Variants in PRKCB observed in about 807,000 individuals in gnomAD.
PRKCB encodes the protein protein kinase C beta type.
A neutral mutation model predicts 81.5 loss-of-function variants in PRKCB; 13 were observed. The observed-to-expected ratio is 0.16, with a 90% CI of 0.10 to 0.25. The LOEUF is 0.25. Ranked by LOEUF, PRKCB falls within the 10% of genes least tolerant of loss-of-function variation. The pLI, the probability that PRKCB is intolerant of heterozygous loss-of-function variation, is 1.00. For synonymous variants in PRKCB, 335 were observed against 321.4 expected, an observed-to-expected ratio of 1.04 and a Z score of -0.45; for missense variants, 509 against 875.7, an observed-to-expected ratio of 0.58 and a Z score of 5.29.
intron 5 of PRKCB, among the ~76,000 whole-genome samples, chr16:24,039,817 G>C (rs909427529): frequency 6.6e-6 from 1 of 152,144 alleles, no homozygotes; most frequent in Non-Finnish European, 1.5e-5. Context: ...AGTTTCCCTT[G>C]GTCTCCTGAC....
chr16:23,922,385 C>G (rs1963837949), intron 2 of PRKCB, among the ~76,000 whole-genome samples: 1 of 152,182 alleles, frequency 6.6e-6, no homozygotes, highest in East Asian at 1.9e-4. Context: ...AGCCAGAAAT[C>G]TGGATTTCAT....
At chr16:24,059,229 C>T (rs1456549260) in intron 5 of PRKCB, among the ~76,000 whole-genome samples, 3 of 152,176 alleles carry the variant, frequency 2.0e-5, no homozygotes, top group African/African-American at 7.2e-5. Flanking sequence ...CCGGCCCTAA[C>T]AGTGGAAGCT....
intron 2 of PRKCB, among the ~76,000 whole-genome samples, chr16:23,966,715 G>T (rs1227149860): frequency 6.6e-6 from 1 of 152,126 alleles, no homozygotes; most frequent in Non-Finnish European, 1.5e-5. Flanking sequence ...GGATTTCTGT[G>T]AACTAGAGAA....
intron 2 of PRKCB, among the ~76,000 whole-genome samples, chr16:23,983,907 A>G (rs1440897352): frequency 6.6e-6 from 1 of 152,058 alleles, no homozygotes; most frequent in African/African-American, 2.4e-5. Flanking sequence ...GTAGAGAATA[A>G]CTGATATTTT....
intron 2 of PRKCB, among the ~76,000 whole-genome samples, chr16:23,876,598 A>G (rs1472517672): frequency 1.3e-5 from 2 of 151,408 alleles, no homozygotes; most frequent in African/African-American, 4.9e-5. Flanking sequence ...AAAAAATGAC[A>G]TTTGCGTACC....
chr16:24,180,134 G>A (rs183141142), intron 12 of PRKCB, among the ~76,000 whole-genome samples: 2 of 151,848 alleles, frequency 1.3e-5, no homozygotes, highest in African/African-American at 4.8e-5. Context: ...TACTAGAGAC[G>A]GGGTTTCACC....
At chr16:24,201,378 A>G (rs990049752) in intron 16 of PRKCB, among the ~76,000 whole-genome samples, 1 of 152,210 alleles carries the variant, frequency 6.6e-6, no homozygotes, top group African/African-American at 2.4e-5. Context: ...CCTTAGGATT[A>G]CTTTCCCCAC....
intron 2 of PRKCB, among the ~76,000 whole-genome samples, chr16:23,915,128 T>C (rs1482094089): frequency 6.6e-6 from 1 of 152,194 alleles, no homozygotes; most frequent in Non-Finnish European, 1.5e-5. Flanking sequence ...CGTTAGCCCC[T>C]GATCTCTGGG....
intron 2 of PRKCB, among the ~76,000 whole-genome samples, chr16:23,856,816 C>T (rs12928465): frequency 0.51 from 76,839 of 152,108 alleles, 21,104 homozygotes; most frequent in East Asian, 0.66. Flanking sequence ...TGAGCCACTA[C>T]TCCTGGCCTC....
chr16:24,193,407 T>G (rs933909256), intron 16 of PRKCB, among the ~76,000 whole-genome samples: 1 of 151,490 alleles, frequency 6.6e-6, no homozygotes, highest in African/African-American at 2.4e-5. Context: ...ATTGCGCCAC[T>G]GCACTCCAGC....
intron 10 of PRKCB, among the ~76,000 whole-genome samples, chr16:24,157,094 C>T (rs1287968647): frequency 3.3e-5 from 5 of 152,152 alleles, no homozygotes; most frequent in Non-Finnish European, 4.4e-5. Flanking sequence ...CCAACCTACT[C>T]ACCTATATTT....
In PRKCB at chr16:24,216,320, G is replaced by T; in HGVS notation, c.*1504G>T. 1.0e-6 allele frequency: 1 copy of T among 985,406 alleles called. No individual in the cohort carries two copies. Among genetic ancestry groups the T allele is most frequent in the Non-Finnish European group, 1.2e-6 (1 of 829,934 alleles). 61.0% of individuals were successfully genotyped at this position (985,406 alleles called of 1,614,324 possible). On this transcript the variant is annotated 3_prime_UTR_variant, in exon 17 of 17. Coordinates refer to ENST00000643927, the MANE Select transcript of PRKCB (RefSeq NM_002738.7). ...CAAAATCACCACTCCTCCCAGCTTG[G>T]ACTAAATATTCTTTCTAGCAAGCAG...
intron 2 of PRKCB, among the ~76,000 whole-genome samples, chr16:23,961,993 G>A (rs1964431763): frequency 6.6e-6 from 1 of 152,134 alleles, no homozygotes; most frequent in African/African-American, 2.4e-5. Context: ...AAGTCAAAGT[G>A]CTGTCACATG....
intron 3 of PRKCB, among the ~76,000 whole-genome samples, chr16:24,026,222 G>C (rs181551294): frequency 2.6e-5 from 4 of 152,194 alleles, no homozygotes; most frequent in Admixed American, 2.0e-4. Context: ...TTGAACCTGG[G>C]AGGCAGAGGC....
intron 1 of PRKCB, among the ~76,000 whole-genome samples, 173 bp downstream of exon 1, chr16:23,836,521 C>G (rs1392556240): frequency 6.6e-6 from 1 of 152,102 alleles, no homozygotes; most frequent in South Asian, 2.1e-4. Context: ...ACAGTCCTGC[C>G]GTTGCCCTGT....
chr16:23,958,280 C>T (rs1363431812), intron 2 of PRKCB, among the ~76,000 whole-genome samples: 9 of 152,146 alleles, frequency 5.9e-5, no homozygotes. Context: ...GTGTGAGCCA[C>T]TGCGCCTGGC....
At chr16:23,902,918 C>A (rs1357608861) in intron 2 of PRKCB, among the ~76,000 whole-genome samples, 3 of 151,654 alleles carry the variant, frequency 2.0e-5, no homozygotes, top group Non-Finnish European at 4.4e-5. Context: ...ATCCTCCCAC[C>A]TCAACTTCTT....
chr16:24,128,323 C>T (rs889382966), intron 9 of PRKCB, among the ~76,000 whole-genome samples: 12 of 152,080 alleles, frequency 7.9e-5, no homozygotes, highest in Admixed American at 2.6e-4. Flanking sequence ...TGCAGTGAGC[C>T]GAGATCGTGC....
chr16:23,981,569 C>A (rs943514642), intron 2 of PRKCB, among the ~76,000 whole-genome samples: 7 of 119,582 alleles, frequency 5.9e-5, no homozygotes, highest in African/African-American at 2.2e-4. Flanking sequence ...TTTCTTCTTT[C>A]CTTTCTTTTC....
Sources: allele counts gnomAD v4.1 joint callset (sites outside exome capture counted in the v4.1 genomes callset), GRCh38; gene constraint gnomAD v4.1.1; transcripts MANE v1.5; gene names NCBI Gene and HGNC (gene_info 2026-07-23, HGNC 2026-07-21).